Variants in NEGR1 observed in about 807,000 individuals in gnomAD.
NEGR1 encodes neuronal growth regulator 1.
NEGR1 carries 10 observed loss-of-function variants against 40.9 expected under a neutral mutation model. The ratio of observed to expected loss-of-function variants is 0.24; its 90% CI spans 0.15 to 0.42. NEGR1 has a LOEUF of 0.42. NEGR1 is among the 10% of genes least tolerant of loss of function. NEGR1 has a pLI of 1.00. For missense variants in NEGR1, 352 were observed against 438.9 expected, an observed-to-expected ratio of 0.80 and a Z score of 1.77; for synonymous variants, 185 against 166.8, an observed-to-expected ratio of 1.11 and a Z score of -0.84.
At chr1:71,662,206 A>G (rs1021525433) in intron 4 of NEGR1, among the ~76,000 whole-genome samples, 18 of 152,224 alleles carry the variant, frequency 1.2e-4, no homozygotes, top group Admixed American at 2.6e-4. Flanking sequence ...AGTTTTCCTC[A>G]TTAGTAAATG....
intron 3 of NEGR1, among the ~76,000 whole-genome samples, chr1:71,742,933 C>T (rs1196663033): frequency 6.6e-6 from 1 of 152,086 alleles, no homozygotes; most frequent in African/African-American, 2.4e-5. Flanking sequence ...GTGATAGAGG[C>T]CATGAAGTCA....
At chr1:72,041,715 G>GAT (rs1019176493) in intron 1 of NEGR1, among the ~76,000 whole-genome samples, 7 of 147,426 alleles carry the variant, frequency 4.7e-5, no homozygotes, top group Non-Finnish European at 1.0e-4. Context: ...AGACTAGATG[G>GAT]ATATATATAT....
At chr1:71,887,442 C>T (rs560101338) in intron 2 of NEGR1, among the ~76,000 whole-genome samples, 38 of 152,214 alleles carry the variant, frequency 2.5e-4, no homozygotes, top group Non-Finnish European at 4.4e-4. Flanking sequence ...GTCATGAAGT[C>T]AGGGACAAAT....
intron 2 of NEGR1, among the ~76,000 whole-genome samples, chr1:71,878,320 A>G (rs1483551654): frequency 6.6e-6 from 1 of 152,132 alleles, no homozygotes. Flanking sequence ...AGTGATTCTT[A>G]CACTTTGGCA....
chr1:72,266,166 T>G (rs968007882), intron 1 of NEGR1, among the ~76,000 whole-genome samples: 1 of 150,980 alleles, frequency 6.6e-6, no homozygotes, highest in African/African-American at 2.4e-5. Context: ...ACAAAACTTC[T>G]GGTGAGTAAT....
intron 1 of NEGR1, among the ~76,000 whole-genome samples, chr1:72,028,901 G>A (rs986914832): frequency 2.6e-5 from 4 of 152,012 alleles, no homozygotes; most frequent in African/African-American, 9.7e-5. Flanking sequence ...CCTAACTCAG[G>A]GCTTGATGCT....
intron 1 of NEGR1, among the ~76,000 whole-genome samples, chr1:72,150,628 A>G (rs182310836): frequency 6.6e-6 from 1 of 152,196 alleles, no homozygotes; most frequent in East Asian, 1.9e-4. Context: ...AAATGAATGG[A>G]TCTAGAGTAT....
intron 4 of NEGR1, among the ~76,000 whole-genome samples, chr1:71,665,434 C>T (rs1454663607): frequency 6.6e-6 from 1 of 152,110 alleles, no homozygotes; most frequent in Non-Finnish European, 1.5e-5. Flanking sequence ...GTGCCATATT[C>T]ATTCTATAAA....
At chr1:71,629,583 T>C (rs569636626) in intron 4 of NEGR1, among the ~76,000 whole-genome samples, 5 of 151,958 alleles carry the variant, frequency 3.3e-5, no homozygotes, top group Non-Finnish European at 7.4e-5. Context: ...ACCACTCCTA[T>C]TCGACATAGT....
Position 72,181,298 on chromosome 1 carries a change from G to T in NEGR1, c.176+101021C>A, listed in dbSNP as rs548583224. On this transcript the variant is annotated intron_variant, in intron 1 of 6. Transcript: ENST00000357731. ...ACAAGATAAGGTTGGGCAGAATGCT[G>T]CTAGAGAGGACAACCTGGATGGTCT... Among the ~76,000 whole-genome samples the T allele has an allele frequency of 2.0e-5, 3 of 152,214 alleles. No individual in the cohort carries two copies. The East Asian group carries it at 5.8e-4, about 29-fold the overall frequency.
At chr1:72,032,351 G>T (rs1646865687) in intron 1 of NEGR1, among the ~76,000 whole-genome samples, 1 of 152,140 alleles carries the variant, frequency 6.6e-6, no homozygotes, top group South Asian at 2.1e-4. Context: ...AGAATAATGG[G>T]CAGAGTAGGA....
intron 1 of NEGR1, among the ~76,000 whole-genome samples, chr1:71,947,504 G>A (rs1287323010): frequency 1.3e-5 from 2 of 152,160 alleles, no homozygotes; most frequent in Non-Finnish European, 2.9e-5. Context: ...TGCTTTATCA[G>A]TTGATGATGA....
chr1:71,999,481 G>A (rs1236686159), intron 1 of NEGR1, among the ~76,000 whole-genome samples: 1 of 150,660 alleles, frequency 6.6e-6, no homozygotes, highest in Non-Finnish European at 1.5e-5. Context: ...TATGACAGAT[G>A]GATCTATGCA....
At chr1:71,704,082 C>A (rs1317923698) in intron 3 of NEGR1, among the ~76,000 whole-genome samples, 1 of 151,470 alleles carries the variant, frequency 6.6e-6, no homozygotes, top group Non-Finnish European at 1.5e-5. Flanking sequence ...CACTAAGAAA[C>A]TGAAATAAGA....
intron 1 of NEGR1, among the ~76,000 whole-genome samples, chr1:72,050,605 G>A (rs1029523748): frequency 1.3e-5 from 2 of 151,480 alleles, no homozygotes; most frequent in African/African-American, 2.4e-5. Context: ...CTTGTGTGAT[G>A]ACAGCAGTTG....
chr1:71,576,345 G>A (rs1648967240), intron 6 of NEGR1, among the ~76,000 whole-genome samples: 1 of 152,058 alleles, frequency 6.6e-6, no homozygotes, highest in Non-Finnish European at 1.5e-5. Flanking sequence ...TTTTGGGGTT[G>A]CGTATGACAG....
intron 2 of NEGR1, among the ~76,000 whole-genome samples, chr1:71,875,802 A>G (rs1660411255): frequency 6.6e-6 from 1 of 152,136 alleles, no homozygotes; most frequent in Non-Finnish European, 1.5e-5. Context: ...GCTAACTAGG[A>G]TCCTTCTCTG....
chr1:72,060,962 G>A (rs769823666), intron 1 of NEGR1, among the ~76,000 whole-genome samples: 1 of 151,264 alleles, frequency 6.6e-6, no homozygotes, highest in Non-Finnish European at 1.5e-5. Flanking sequence ...TGAAATATTC[G>A]AACTACTCCA....
intron 2 of NEGR1, among the ~76,000 whole-genome samples, chr1:71,868,305 A>C (rs2101830220): frequency 6.6e-6 from 1 of 152,304 alleles, no homozygotes; most frequent in East Asian, 1.9e-4. Flanking sequence ...AATCAAATGA[A>C]TTCCCAAATC....
Sources: allele counts gnomAD v4.1 joint callset (sites outside exome capture counted in the v4.1 genomes callset), GRCh38; gene constraint gnomAD v4.1.1; transcripts MANE v1.5; gene names NCBI Gene and HGNC (gene_info 2026-07-23, HGNC 2026-07-21).